Variants in MAPK10 observed in about 807,000 individuals in gnomAD.
The protein encoded by MAPK10 is JNK3 alpha protein kinase.
MAPK10 carries 25 observed loss-of-function variants against 59.3 expected under a neutral mutation model. The ratio of observed to expected loss-of-function variants is 0.42; its 90% CI spans 0.31 to 0.59. MAPK10 has a LOEUF of 0.59. Among genes scored for constraint, MAPK10 ranks in the 20% least tolerant of loss-of-function variants. The pLI is 0.15. For missense variants in MAPK10, 351 were observed against 568.9 expected (o/e 0.62, Z 3.90); for synonymous variants, 190 against 200.5 (o/e 0.95, Z 0.44).
chr4:86,381,789 A>AC (rs1298655183), intron 1 of MAPK10, among the ~76,000 whole-genome samples: 9 of 152,122 alleles, frequency 5.9e-5, no homozygotes, highest in Non-Finnish European at 1.3e-4. Context: ...CGGTTTACAA[A>AC]CATGTGGGTA....
chr4:86,109,056 C>T (rs572144092), intron 4 of MAPK10, among the ~76,000 whole-genome samples: 7 of 152,234 alleles, frequency 4.6e-5, no homozygotes, highest in Non-Finnish European at 8.8e-5. Context: ...ATAAACATTG[C>T]TACTCTGGGT....
intron 2 of MAPK10, among the ~76,000 whole-genome samples, chr4:86,244,152 T>C (rs995139302): frequency 6.6e-6 from 1 of 152,188 alleles, no homozygotes; most frequent in Non-Finnish European, 1.5e-5. Context: ...TACACCTTTC[T>C]AGATGTTTTT....
chr4:86,372,574 A>G (rs1290058861), intron 1 of MAPK10, among the ~76,000 whole-genome samples: 2 of 142,608 alleles, frequency 1.4e-5, no homozygotes, highest in African/African-American at 5.3e-5. Flanking sequence ...GAAAGAAAAG[A>G]AAAGAAAAGA....
intron 1 of MAPK10, among the ~76,000 whole-genome samples, chr4:86,469,270 AC>A (rs1564914998): frequency 6.6e-6 from 1 of 152,218 alleles, no homozygotes; most frequent in Non-Finnish European, 1.5e-5. Context: ...ACAAAACAGA[AC>A]AAAAAGAATT....
At position 86,342,617 on chromosome 4, in the gene MAPK10, A is replaced by T. The variant is rs17011767; in HGVS notation, c.-7+11913T>A. 9.0e-3 allele frequency among the ~76,000 whole-genome samples: 1,376 copies of T among 152,340 alleles called. 13 individuals are homozygous for T. The highest frequency in any genetic ancestry group is 0.031 in the African/African-American group (1,301 of 41,570). ...CCATTTCTACATTTTACATATGGAG[A>T]AACCAAAGCTAAAGGACCTGTGCAT... On this transcript the variant is annotated intron_variant, in intron 2 of 13. Coordinates refer to ENST00000641462, the MANE Select transcript of MAPK10 (RefSeq NM_138982.4).
chr4:86,264,847 C>G (rs1169149588), intron 2 of MAPK10, among the ~76,000 whole-genome samples: 1 of 147,210 alleles, frequency 6.8e-6, no homozygotes, highest in African/African-American at 2.5e-5. Context: ...TTTCTTTCTG[C>G]TAAATTATGT....
chr4:86,333,986 G>A (rs1003106899), intron 2 of MAPK10, among the ~76,000 whole-genome samples: 6 of 151,770 alleles, frequency 4.0e-5, no homozygotes, highest in Non-Finnish European at 1.5e-5. Context: ...ATCTCTCTTT[G>A]CCCCATTATC....
chr4:86,234,456 G>T (rs866902696), intron 2 of MAPK10, among the ~76,000 whole-genome samples: 18 of 152,026 alleles, frequency 1.2e-4, no homozygotes, highest in African/African-American at 4.3e-4. Flanking sequence ...TCCTTATTAG[G>T]TATTTGGTTT....
At chr4:86,099,872 A>G (rs1312334370) in intron 8 of MAPK10, 1 of 152,190 alleles carries the variant, frequency 6.6e-6, no homozygotes, top group South Asian at 2.1e-4. Context: ...TTGCCTAGCA[A>G]GGAGGGCTAG....
At chr4:86,565,313 A>C (rs1760983005) in intron 1 of MAPK10, among the ~76,000 whole-genome samples, 1 of 152,220 alleles carries the variant, frequency 6.6e-6, no homozygotes, top group Non-Finnish European at 1.5e-5. Context: ...AATGAACTAA[A>C]AGTTTCCAAT....
intron 1 of MAPK10, among the ~76,000 whole-genome samples, chr4:86,404,780 T>C (rs183930366): frequency 6.6e-6 from 1 of 151,964 alleles, no homozygotes; most frequent in Non-Finnish European, 1.5e-5. Context: ...ATGTTGAGAG[T>C]CTTGGTTTCG....
At chr4:86,558,752 A>T (rs977987308) in intron 1 of MAPK10, among the ~76,000 whole-genome samples, 22 of 151,930 alleles carry the variant, frequency 1.4e-4, no homozygotes, top group African/African-American at 5.3e-4. Flanking sequence ...TAATTTTGAC[A>T]TGTTGCAACT....
At chr4:86,162,121 T>A (rs2069941684) in intron 3 of MAPK10, among the ~76,000 whole-genome samples, 1 of 151,754 alleles carries the variant, frequency 6.6e-6, no homozygotes, top group African/African-American at 2.4e-5. Flanking sequence ...CAAAAAAAGA[T>A]AAGGTTCAGT....
intron 2 of MAPK10, among the ~76,000 whole-genome samples, chr4:86,320,977 T>G (rs1198424796): frequency 1.3e-5 from 2 of 151,806 alleles, no homozygotes; most frequent in Admixed American, 6.6e-5. Context: ...AAAAAACACA[T>G]GAAAAAATGC....
Position 86,466,153 on chromosome 4 carries a change from G to A in MAPK10, c.-262-111509C>T, listed in dbSNP as rs1042970430. Among the ~76,000 whole-genome samples the A allele has an allele frequency of 7.9e-5, 12 of 152,224 alleles. No individual in the cohort carries two copies. In the East Asian group the frequency reaches 9.6e-4, roughly 12 times the overall value. On this transcript the variant is annotated intron_variant, in intron 1 of 4. Coordinates refer to the MAPK10 transcript ENST00000502302. ...TCTACTCCTATAATTGAGGCATACC[G>A]CCCTCAAAAACTTATTTGTAAACAG...
chr4:86,269,458 C>T (rs769534870), intron 2 of MAPK10, among the ~76,000 whole-genome samples: 3 of 152,156 alleles, frequency 2.0e-5, no homozygotes, highest in Non-Finnish European at 4.4e-5. Flanking sequence ...AGTTCTTCCT[C>T]TGGCTTCCTA....
chr4:86,190,216 G>C (rs1388504936), intron 3 of MAPK10, among the ~76,000 whole-genome samples: 1 of 151,914 alleles, frequency 6.6e-6, no homozygotes, highest in African/African-American at 2.4e-5. Flanking sequence ...TTCTTTTTAC[G>C]CTGTGTCTCT....
intron 2 of MAPK10, among the ~76,000 whole-genome samples, chr4:86,320,707 G>C (rs1479358521): frequency 6.6e-6 from 1 of 152,148 alleles, no homozygotes; most frequent in East Asian, 1.9e-4. Context: ...ATTGCTTTTG[G>C]TGTTTTAGAC....
Position 86,013,019 on chromosome 4 carries a change from G to A in MAPK10, c.*4209C>T, listed in dbSNP as rs1188191486. 6.6e-6 allele frequency: 1 copy of A among 152,156 alleles called. No individual in the cohort carries two copies. The highest frequency in any genetic ancestry group is 1.5e-5 in the Non-Finnish European group (1 of 68,014). The allele number at this position is 152,156 out of a possible 1,614,324, so 9.4% of individuals were successfully genotyped here. Reference sequence around the variant, plus strand: ...GAACAGATAATCCTACATAAGGATTGGGAGATTTGTGTCCATTAGAATATA... The same window carrying A: ...GAACAGATAATCCTACATAAGGATTAGGAGATTTGTGTCCATTAGAATATA... On this transcript the variant is annotated 3_prime_UTR_variant, in exon 14 of 14. Transcript: ENST00000641462.
Sources: allele counts gnomAD v4.1 joint callset (sites outside exome capture counted in the v4.1 genomes callset), GRCh38; gene constraint gnomAD v4.1.1; transcripts MANE v1.5; gene names NCBI Gene and HGNC (gene_info 2026-07-23, HGNC 2026-07-21).